Variants in CLRN2 observed in about 807,000 individuals in gnomAD.
CLRN2 encodes the protein clarin 2, also known as clarin-2.
Under a neutral mutation model 20.1 loss-of-function variants are expected in CLRN2, and 17 were observed. The ratio of observed to expected loss-of-function variants is 0.85; its 90% confidence interval spans 0.58 to 1.27. The LOEUF (loss-of-function observed/expected upper bound fraction) is 1.27. Ranked by LOEUF, CLRN2 falls within the 50% of genes most tolerant of loss-of-function variation. The pLI is 0.00. For synonymous variants in CLRN2, 140 were observed against 126.9 expected, an observed-to-expected ratio of 1.10 and a Z score of -0.70; for missense variants, 288 against 299.5, an observed-to-expected ratio of 0.96 and a Z score of 0.28.
chr4:17,524,235 T>TGTGTGTGCGC (rs762042329), intron 2 of CLRN2, among the ~76,000 whole-genome samples: 2 of 140,062 alleles, frequency 1.4e-5, no homozygotes, highest in South Asian at 2.3e-4. Flanking sequence ...TGTGTGTGTG[T>TGTGTGTGCGC]GCGCGCGCAT....
chr4:17,515,933 A>G (rs1419188577), intron 1 of CLRN2, among the ~76,000 whole-genome samples: 1 of 152,192 alleles, frequency 6.6e-6, no homozygotes. Flanking sequence ...GAGGTTACAT[A>G]ACTTACCTGA....
chr4:17,524,163 T>C (rs994064171), intron 2 of CLRN2, among the ~76,000 whole-genome samples: 2 of 151,726 alleles, frequency 1.3e-5, no homozygotes, highest in African/African-American at 4.8e-5. Flanking sequence ...TGCTCTCATT[T>C]ATGACCATCA....
At chr4:17,521,286 TG>T (rs2109002481) in intron 1 of CLRN2, among the ~76,000 whole-genome samples, 1 of 152,266 alleles carries the variant, frequency 6.6e-6, no homozygotes, top group African/African-American at 2.4e-5. Flanking sequence ...AATGTAAACG[TG>T]GAGTGCCTGA....
intron 2 of CLRN2, among the ~76,000 whole-genome samples, chr4:17,524,318 T>C (rs973470379): frequency 6.6e-6 from 1 of 151,882 alleles, no homozygotes; most frequent in Non-Finnish European, 1.5e-5. Context: ...TCATCTGTAA[T>C]GAAAATAACA....
At chr4:17,517,788 G>A (rs1383850141) in intron 1 of CLRN2, among the ~76,000 whole-genome samples, 1 of 152,144 alleles carries the variant, frequency 6.6e-6, no homozygotes, top group Non-Finnish European at 1.5e-5. Context: ...TCTCAGAGGA[G>A]GGTCTGTAAA....
intron 2 of CLRN2, among the ~76,000 whole-genome samples, chr4:17,524,954 AAAAT>A (rs1711940696): frequency 6.6e-6 from 1 of 152,082 alleles, no homozygotes; most frequent in Admixed American, 6.5e-5. Context: ...CAAAAAATAA[AAAAT>A]AAAAACAGGC....
chr4:17,516,773 A>G (rs1296180587), intron 1 of CLRN2, among the ~76,000 whole-genome samples: 1 of 152,026 alleles, frequency 6.6e-6, no homozygotes, highest in Non-Finnish European at 1.5e-5. Context: ...TAACCATGAC[A>G]ACTACATGGA....
At chr4:17,517,012 G>C (rs146846619) in intron 1 of CLRN2, among the ~76,000 whole-genome samples, 3 of 152,290 alleles carry the variant, frequency 2.0e-5, no homozygotes, top group South Asian at 2.1e-4. Flanking sequence ...CTTCATCTTA[G>C]GGGAAAGAGA....
chr4:17,518,302 A>G (rs963718628), intron 1 of CLRN2, among the ~76,000 whole-genome samples: 9 of 152,350 alleles, frequency 5.9e-5, no homozygotes, highest in African/African-American at 1.9e-4. Context: ...CCCAGGCCCT[A>G]TGAAATAAAA....
At chr4:17,526,134 A>G (rs1711969085) in intron 2 of CLRN2, among the ~76,000 whole-genome samples, 1 of 152,222 alleles carries the variant, frequency 6.6e-6, no homozygotes, top group African/African-American at 2.4e-5. Context: ...ATAATTAAAC[A>G]GGAGAGCAAC....
At chr4:17,523,591 A>G (rs1418676472) in intron 2 of CLRN2, among the ~76,000 whole-genome samples, 1 of 151,828 alleles carries the variant, frequency 6.6e-6, no homozygotes, top group Non-Finnish European at 1.5e-5. Context: ...GAGGTGAAAG[A>G]AGAAGCCAGA....
At chr4:17,520,526 T>TA (rs1711814087) in intron 1 of CLRN2, among the ~76,000 whole-genome samples, 2 of 152,242 alleles carry the variant, frequency 1.3e-5, no homozygotes, top group South Asian at 4.1e-4. Flanking sequence ...AATTGCCCTC[T>TA]AACAAGGTTA....
intron 1 of CLRN2, among the ~76,000 whole-genome samples, chr4:17,522,284 A>T (rs28458311): frequency 0.28 from 42,774 of 152,062 alleles, 6,645 homozygotes; most frequent in African/African-American, 0.42. Flanking sequence ...CTTTCCCAAG[A>T]CTGTCAAAAT....
chr4:17,515,303 G>A lies in CLRN2; in HGVS notation c.37G>A (p.Ala13Thr). The change falls in exon 1 of 3, where the codon GCG becomes ACG. Residue 13 changes from alanine (A) to threonine (T), a missense_variant. By Grantham distance (58) the Ala-to-Thr change is moderately conservative. Coordinates refer to ENST00000511148, the MANE Select transcript of CLRN2 (RefSeq NM_001079827.2). ...GTTCAAAAAGGCGTGGTATGGGCTG[G>A]CGTCTTTACTCAGCTTCTCCTCCTT... Reference protein sequence around the residue: ...GWFKKAWYGLASLLSFSSFIL... With the variant: ...GWFKKAWYGLTSLLSFSSFIL... 6.2e-7 allele frequency: 1 copy of A among 1,614,006 alleles called. No homozygotes were observed. The highest frequency in any genetic ancestry group is 8.5e-7 in the Non-Finnish European group (1 of 1,179,908).
In CLRN2 at chr4:17,527,032, A is replaced by C; in HGVS notation, c.649A>C (p.Lys217Gln). 3.1e-6 allele frequency: 5 copies of C among 1,613,986 alleles called. No homozygotes were observed. Among genetic ancestry groups the C allele is most frequent in the Non-Finnish European group, 3.4e-6 (4 of 1,179,882 alleles). The change falls in exon 3 of 3, where the codon AAG becomes CAG. Residue 217 changes from lysine to glutamine, a missense_variant. Lys to Gln is a moderately conservative substitution (Grantham distance 53, BLOSUM62 1). Coordinates refer to ENST00000511148, the MANE Select transcript of CLRN2 (RefSeq NM_001079827.2). ...AISQIPLPEI[K>Q]TKIEEATVTA... ...CAGTCAAATTCCCCTCCCTGAGATT[A>C]AGACCAAAATCGAAGAGGCCACGGT...
At position 17,526,808 on chromosome 4, in the gene CLRN2, G is replaced by A. The variant is rs1369384526; in HGVS notation, c.434-9G>A. The A allele has an allele frequency of 2.5e-6, 4 of 1,613,218 alleles. No homozygotes were observed. The highest frequency in any genetic ancestry group is 3.4e-6 in the Non-Finnish European group (4 of 1,179,362). ...AGCCGTGAATGAGGGTGACCTTTTT[G>A]AGTTTCAGGCGGCGTCGTGGCGTTA... On this transcript the variant is annotated splice_polypyrimidine_tract_variant and intron_variant, in intron 2 of 2. Coordinates refer to ENST00000511148, the MANE Select transcript of CLRN2 (RefSeq NM_001079827.2).
At chr4:17,519,641 G>T (rs142659243) in intron 1 of CLRN2, among the ~76,000 whole-genome samples, 1 of 152,128 alleles carries the variant, frequency 6.6e-6, no homozygotes, top group Non-Finnish European at 1.5e-5. Context: ...ACCATGAGTC[G>T]TGTGTAGGGT....
intron 1 of CLRN2, among the ~76,000 whole-genome samples, chr4:17,518,145 G>GA (rs1711728022): frequency 6.6e-6 from 1 of 151,992 alleles, no homozygotes; most frequent in African/African-American, 2.4e-5. Context: ...CTGGGATGGG[G>GA]AGGTTTATTG....
At chr4:17,523,087 T>C (rs1389114519) in intron 2 of CLRN2, 44 bp downstream of exon 2, 3 of 1,531,238 alleles carry the variant, frequency 2.0e-6, no homozygotes, top group East Asian at 2.3e-5. Context: ...CACACCATCA[T>C]AGGGCTGGGC....
Sources: allele counts gnomAD v4.1 joint callset (sites outside exome capture counted in the v4.1 genomes callset), GRCh38; gene constraint gnomAD v4.1.1; transcripts MANE v1.5; gene names NCBI Gene and HGNC (gene_info 2026-07-23, HGNC 2026-07-21).